The following MECOM variants were observed in gnomAD, a reference collection of about 807,000 sequenced individuals.
The protein encoded by MECOM is histone-lysine N-methyltransferase MECOM.
MECOM carries 13 observed loss-of-function variants against 116.3 expected under a neutral mutation model. That is an observed-to-expected ratio of 0.11 (90% confidence interval 0.07 to 0.18). The LOEUF (loss-of-function observed/expected upper bound fraction) is 0.18, where lower values mean the gene tolerates loss of function less well. Among genes scored for constraint, MECOM ranks in the 10% least tolerant of loss-of-function variants. The probability of loss-of-function intolerance (pLI) is 1.00; values close to 1 mark genes in which losing one functional copy is unlikely to be tolerated. For missense variants in MECOM, 1,299 were observed against 1,509.0 expected, an observed-to-expected ratio of 0.86 and a Z score of 2.31; for synonymous variants, 528 against 535.2, an observed-to-expected ratio of 0.99 and a Z score of 0.19.
chr3:169,453,920 T>C (rs1746022885), intron 1 of MECOM, among the ~76,000 whole-genome samples: 1 of 148,432 alleles, frequency 6.7e-6, no homozygotes, highest in Non-Finnish European at 1.5e-5. Flanking sequence ...CAATGGATAA[T>C]AAAAAAAAAA....
At chr3:169,364,101 C>T (rs1728770458) in intron 2 of MECOM, among the ~76,000 whole-genome samples, 1 of 151,908 alleles carries the variant, frequency 6.6e-6, no homozygotes, top group Non-Finnish European at 1.5e-5. Flanking sequence ...TGTGACATGG[C>T]CTGTACTCAG....
chr3:169,394,859 T>C (rs1734780302), intron 1 of MECOM, among the ~76,000 whole-genome samples: 1 of 152,154 alleles, frequency 6.6e-6, no homozygotes, highest in Non-Finnish European at 1.5e-5. Flanking sequence ...CCCTCCTGGA[T>C]CTCGACACCA....
Position 169,473,724 on chromosome 3 carries a change from G to T in MECOM, c.38-92200C>A, listed in dbSNP as rs572643278. Among the ~76,000 whole-genome samples the T allele has an allele frequency of 1.1e-3, 160 of 152,156 alleles. 1 individual carries two copies. Among genetic ancestry groups the T allele is most frequent in the African/African-American group, 3.7e-3 (154 of 41,510 alleles). On this transcript the variant is annotated intron_variant, in intron 1 of 16. Coordinates refer to ENST00000651503, the MANE Select transcript of MECOM (RefSeq NM_004991.4). The stretch of plus-strand genomic sequence containing the variant: ...GCAGAGGTTGTAGTGAGCCGAGATT[G>T]CTCCACTGCACTCCAGCCTGGTGAC...
At chr3:169,506,609 CTTTGT>C (rs1397896099) in intron 1 of MECOM, among the ~76,000 whole-genome samples, 1 of 152,082 alleles carries the variant, frequency 6.6e-6, no homozygotes, top group Non-Finnish European at 1.5e-5. Context: ...TAATGTTCTG[CTTTGT>C]TTTGTTTTGT....
chr3:169,400,503 T>C (rs899202268), intron 1 of MECOM, among the ~76,000 whole-genome samples: 1 of 152,230 alleles, frequency 6.6e-6, no homozygotes, highest in Non-Finnish European at 1.5e-5. Context: ...GTTGATCTGC[T>C]GATGATCTGT....
At chr3:169,395,301 T>C (rs564601420) in intron 1 of MECOM, among the ~76,000 whole-genome samples, 1 of 152,142 alleles carries the variant, frequency 6.6e-6, no homozygotes, top group Non-Finnish European at 1.5e-5. Flanking sequence ...TTGTGTTGAG[T>C]TGAAAACATC....
intron 9 of MECOM, among the ~76,000 whole-genome samples, chr3:169,108,255 TA>T (rs1226010454): frequency 6.6e-6 from 1 of 152,184 alleles, no homozygotes; most frequent in Non-Finnish European, 1.5e-5. Flanking sequence ...CTACTTGCTA[TA>T]AAACAATATC....
At chr3:169,378,497 G>GAA (rs879911806) in intron 2 of MECOM, among the ~76,000 whole-genome samples, 1 of 32,170 alleles carries the variant, frequency 3.1e-5, no homozygotes, top group Non-Finnish European at 4.8e-5. Context: ...GAGAAAGAAA[G>GAA]AAAGAAAGAA....
At chr3:169,120,859 C>A in intron 7 of MECOM, 197 bp downstream of exon 7, 2 of 461,380 alleles carry the variant, frequency 4.3e-6, no homozygotes, top group Non-Finnish European at 7.1e-6. Context: ...AAGAAAACAC[C>A]CCAGGAATCA....
At chr3:169,182,883 CA>C (rs139690912) in intron 2 of MECOM, among the ~76,000 whole-genome samples, 15,276 of 148,080 alleles carry the variant, frequency 0.1, 832 homozygotes, top group South Asian at 0.22. Flanking sequence ...ATATTAGATA[CA>C]AAAAAAAAAT....
chr3:169,399,974 C>T (rs1044900921), intron 1 of MECOM, among the ~76,000 whole-genome samples: 3 of 152,090 alleles, frequency 2.0e-5, no homozygotes, highest in Non-Finnish European at 4.4e-5. Context: ...GGAATGTCTC[C>T]AAGTTTAGAC....
intron 2 of MECOM, among the ~76,000 whole-genome samples, chr3:169,282,455 T>C (rs1560084657): frequency 6.6e-6 from 1 of 152,230 alleles, no homozygotes; most frequent in Admixed American, 6.5e-5. Context: ...TCAGGGTCTT[T>C]TATAAAATAT....
At chr3:169,374,827 G>A (rs1730739929) in intron 2 of MECOM, among the ~76,000 whole-genome samples, 1 of 151,924 alleles carries the variant, frequency 6.6e-6, no homozygotes, top group South Asian at 2.1e-4. Flanking sequence ...GAGGAAAGGA[G>A]TTTGAGACCA....
chr3:169,148,052 A>T (rs989644162), intron 2 of MECOM, among the ~76,000 whole-genome samples: 1 of 152,134 alleles, frequency 6.6e-6, no homozygotes, highest in East Asian at 1.9e-4. Flanking sequence ...CTCATACTCT[A>T]ATTTATTCCC....
At chr3:169,561,261 A>G (rs1762599070) in intron 1 of MECOM, among the ~76,000 whole-genome samples, 1 of 152,166 alleles carries the variant, frequency 6.6e-6, no homozygotes, top group African/African-American at 2.4e-5. Flanking sequence ...GTAACATCTA[A>G]TAAAGCACAT....
At position 169,428,144 on chromosome 3, in the gene MECOM, C is replaced by T. The variant is rs531591167; in HGVS notation, c.38-46620G>A. Among the ~76,000 whole-genome samples the T allele has an allele frequency of 2.9e-4, 44 of 152,324 alleles. 2 individuals carry two copies. The South Asian group carries it at 6.4e-3, about 22-fold the overall frequency. On this transcript the variant is annotated intron_variant, in intron 1 of 16. Coordinates refer to ENST00000651503, the MANE Select transcript of MECOM (RefSeq NM_004991.4). Reference sequence around the variant, plus strand: ...GCTGTGAGCCAACATCACACCACTTCACTCCAGCCTAGGCAACACAGCGAG... The same window carrying T: ...GCTGTGAGCCAACATCACACCACTTTACTCCAGCCTAGGCAACACAGCGAG...
intron 2 of MECOM, among the ~76,000 whole-genome samples, chr3:169,241,529 A>G (rs930610183): frequency 6.6e-6 from 1 of 152,158 alleles, no homozygotes; most frequent in Non-Finnish European, 1.5e-5. Flanking sequence ...CTAGGGGGAA[A>G]CATTCCTTCA....
chr3:169,630,349 G>A (rs746013162), intron 1 of MECOM, among the ~76,000 whole-genome samples: 2 of 151,934 alleles, frequency 1.3e-5, no homozygotes, highest in Admixed American at 6.6e-5. Flanking sequence ...TTTGACAAGG[G>A]GCCCATGAGA....
chr3:169,327,405 C>T (rs994756507), intron 2 of MECOM, among the ~76,000 whole-genome samples: 2 of 151,904 alleles, frequency 1.3e-5, no homozygotes, highest in Admixed American at 6.6e-5. Context: ...TTTGGGAGGC[C>T]AAGGTGGGCA....
Sources: gnomAD v4.1 joint callset for allele counts (sites outside exome capture counted in the v4.1 genomes callset) on GRCh38, gnomAD v4.1.1 for gene constraint, MANE v1.5 for transcripts, NCBI Gene and HGNC (gene_info 2026-07-23, HGNC 2026-07-21) for gene names.